Variants in PEPD observed in about 807,000 individuals in gnomAD.
PEPD encodes the protein xaa-Pro dipeptidase.
A neutral mutation model predicts 60.7 loss-of-function variants in PEPD; 53 were observed. The observed-to-expected ratio is 0.87, with a 90% confidence interval of 0.70 to 1.10. PEPD has a LOEUF of 1.10. Ranked by LOEUF, PEPD falls within the 50% of genes least tolerant of loss-of-function variation. PEPD has a pLI of 0.00. For synonymous variants in PEPD, 267 were observed against 284.1 expected (o/e 0.94, Z 0.60); for missense variants, 711 against 711.9 (o/e 1.00, Z 0.01).
chr19:33,505,574 G>C (rs1357266062), intron 3 of PEPD, among the ~76,000 whole-genome samples: 1 of 151,956 alleles, frequency 6.6e-6, no homozygotes, highest in African/African-American at 2.4e-5. Context: ...ATCACAAGGA[G>C]CGTGGGAGGG....
chr19:33,499,757 TATTCCAG>T (rs2145333523), intron 4 of PEPD, among the ~76,000 whole-genome samples: 1 of 152,184 alleles, frequency 6.6e-6, no homozygotes, highest in African/African-American at 2.4e-5. Context: ...ATGGAAAACA[TATTCCAG>T]GACAGCAGTA....
intron 6 of PEPD, among the ~76,000 whole-genome samples, chr19:33,487,943 GGGAA>G (rs1156803814): frequency 6.6e-6 from 1 of 151,946 alleles, no homozygotes; most frequent in Non-Finnish European, 1.5e-5. Context: ...GAGGGCCCTG[GGGAA>G]GCCCAGGGCC....
intron 9 of PEPD, among the ~76,000 whole-genome samples, chr19:33,443,980 G>GCACA (rs3217241): frequency 6.6e-6 from 1 of 152,004 alleles, no homozygotes; most frequent in African/African-American, 2.4e-5. Context: ...GCGTGCGCGC[G>GCACA]CACACACACA....
chr19:33,428,455 C>A (rs1969199166), intron 9 of PEPD, among the ~76,000 whole-genome samples: 1 of 152,240 alleles, frequency 6.6e-6, no homozygotes, highest in Non-Finnish European at 1.5e-5. Flanking sequence ...GGCCCACCTT[C>A]CCACCAGGAG....
chr19:33,493,068 G>C (rs1970530617), intron 5 of PEPD, among the ~76,000 whole-genome samples: 1 of 152,174 alleles, frequency 6.6e-6, no homozygotes, highest in Admixed American at 6.5e-5. Flanking sequence ...GTAAAGACAG[G>C]GTCTTGCCAT....
intron 6 of PEPD, among the ~76,000 whole-genome samples, chr19:33,482,198 G>T (rs1970323970): frequency 6.6e-6 from 1 of 152,020 alleles, no homozygotes; most frequent in African/African-American, 2.4e-5. Flanking sequence ...CAAAACACTA[G>T]CAAACAGAAT....
chr19:33,412,728 T>C (rs1968805131), intron 10 of PEPD, among the ~76,000 whole-genome samples: 1 of 152,226 alleles, frequency 6.6e-6, no homozygotes, highest in Non-Finnish European at 1.5e-5. Flanking sequence ...AGGACTGAGA[T>C]TTCACATGTA....
At chr19:33,398,099 C>A (rs1459215080) in intron 12 of PEPD, among the ~76,000 whole-genome samples, 1 of 152,212 alleles carries the variant, frequency 6.6e-6, no homozygotes, top group Admixed American at 6.5e-5. Context: ...CCACCGAACA[C>A]CCCCCAGGCC....
In PEPD at chr19:33,400,177, C is replaced by T. The variant is rs552086818; in HGVS notation, c.967+1544G>A. 3.6e-3 allele frequency among the ~76,000 whole-genome samples: 546 copies of T among 152,116 alleles called. 4 individuals are homozygous for T. The highest frequency in any genetic ancestry group is 5.7e-3 in the Non-Finnish European group (384 of 67,956). ...ATAGCTGTGGGTGAGAGGCAGTGGG[C>T]GAGGGTGGGGGCAAGCTGGGGGGGC... On this transcript the variant is annotated intron_variant, in intron 12 of 14. Transcript: ENST00000244137.
chr19:33,476,112 C>T (rs891696035), intron 7 of PEPD, among the ~76,000 whole-genome samples: 4 of 152,158 alleles, frequency 2.6e-5, no homozygotes, highest in Non-Finnish European at 5.9e-5. Flanking sequence ...GTGATTCTCT[C>T]GTGTTTGTCT....
At chr19:33,427,364 A>G (rs1313118288) in intron 9 of PEPD, among the ~76,000 whole-genome samples, 1 of 152,206 alleles carries the variant, frequency 6.6e-6, no homozygotes, top group Non-Finnish European at 1.5e-5. Context: ...CAGAGCACAG[A>G]GGTAGGAGAT....
chr19:33,509,725 G>A (rs545619958), intron 3 of PEPD, among the ~76,000 whole-genome samples: 15 of 152,338 alleles, frequency 9.8e-5, no homozygotes, highest in Admixed American at 4.6e-4. Context: ...CTCTCCAGGC[G>A]GAGATGACAC....
At chr19:33,496,090 T>A (rs1296174790) in intron 4 of PEPD, among the ~76,000 whole-genome samples, 1 of 152,156 alleles carries the variant, frequency 6.6e-6, no homozygotes, top group African/African-American at 2.4e-5. Flanking sequence ...GGGGTACACA[T>A]GCCGGCCCTA....
intron 9 of PEPD, among the ~76,000 whole-genome samples, chr19:33,418,448 G>T (rs925039587): frequency 6.6e-6 from 1 of 152,194 alleles, no homozygotes; most frequent in Non-Finnish European, 1.5e-5. Context: ...TACCAGTGGA[G>T]CCCTGGCATA....
intron 3 of PEPD, among the ~76,000 whole-genome samples, chr19:33,509,202 C>T (rs1285449442): frequency 6.6e-6 from 1 of 152,252 alleles, no homozygotes; most frequent in African/African-American, 2.4e-5. Context: ...GATGGGAAGG[C>T]ATTGTCAGGC....
chr19:33,395,088 C>G (rs1023044016), intron 12 of PEPD: 1 of 152,272 alleles, frequency 6.6e-6, no homozygotes, highest in African/African-American at 2.4e-5. Flanking sequence ...GGCCACGGGT[C>G]CCAAGAACTG....
chr19:33,471,848 G>A (rs2013545710), intron 7 of PEPD, among the ~76,000 whole-genome samples: 1 of 151,998 alleles, frequency 6.6e-6, no homozygotes, highest in Non-Finnish European at 1.5e-5. Context: ...GTGATAACCT[G>A]TGTCTACAAA....
intron 9 of PEPD, among the ~76,000 whole-genome samples, chr19:33,419,983 A>ACT (rs1373655681): frequency 6.6e-6 from 1 of 152,072 alleles, no homozygotes; most frequent in Non-Finnish European, 1.5e-5. Flanking sequence ...GGAGCAGCTC[A>ACT]CTCTCTCTCT....
chr19:33,421,008 C>T (rs1429853103), intron 9 of PEPD, among the ~76,000 whole-genome samples: 2 of 152,196 alleles, frequency 1.3e-5, no homozygotes, highest in Non-Finnish European at 2.9e-5. Flanking sequence ...TTTGTGGACC[C>T]GTCTAGGTGG....
Sources: gnomAD v4.1 joint callset for allele counts (sites outside exome capture counted in the v4.1 genomes callset) on GRCh38, gnomAD v4.1.1 for gene constraint, MANE v1.5 for transcripts, NCBI Gene and HGNC (gene_info 2026-07-23, HGNC 2026-07-21) for gene names.